SEMA3A: variants seen among roughly 807,000 people sequenced by gnomAD.
The protein encoded by SEMA3A is semaphorin-3A.
A neutral mutation model predicts 97.9 loss-of-function variants in SEMA3A; 29 were observed. The ratio of observed to expected loss-of-function variants is 0.30; its 90% CI spans 0.22 to 0.40. The LOEUF is 0.40. SEMA3A is among the 10% of genes least tolerant of loss of function. The pLI, the probability that SEMA3A is intolerant of heterozygous loss-of-function variation, is 1.00. For synonymous variants in SEMA3A, 321 were observed against 323.7 expected (o/e 0.99, Z 0.09); for missense variants, 763 against 951.3 (o/e 0.80, Z 2.60).
chr7:84,104,065 G>C (rs10488267), intron 4 of SEMA3A, among the ~76,000 whole-genome samples: 64,356 of 151,756 alleles, frequency 0.42, 14,811 homozygotes, highest in Admixed American at 0.52. Flanking sequence ...ATCCAAACTA[G>C]GTATTAGTCT....
chr7:84,258,633 T>C (rs1007421547), intron 3 of SEMA3A, among the ~76,000 whole-genome samples: 1 of 152,194 alleles, frequency 6.6e-6, no homozygotes, highest in African/African-American at 2.4e-5. Context: ...AATAATATTT[T>C]AAATGCTTCA....
intron 1 of SEMA3A, among the ~76,000 whole-genome samples, chr7:84,416,795 T>C (rs1804448176): frequency 6.6e-6 from 1 of 152,146 alleles, no homozygotes; most frequent in Non-Finnish European, 1.5e-5. Flanking sequence ...GTGTTCTCAC[T>C]TTTCTTTGAA....
chr7:84,103,148 C>A (rs1795006951), intron 4 of SEMA3A, among the ~76,000 whole-genome samples: 1 of 152,058 alleles, frequency 6.6e-6, no homozygotes, highest in Admixed American at 6.6e-5. Flanking sequence ...ACAGTCATTG[C>A]GGTGGGCAAA....
chr7:84,216,534 TA>T (rs1336389630), intron 3 of SEMA3A, among the ~76,000 whole-genome samples: 4 of 152,174 alleles, frequency 2.6e-5, no homozygotes, highest in African/African-American at 4.8e-5. Flanking sequence ...ATTTTACTGA[TA>T]TTTTTTAGAT....
intron 6 of SEMA3A, among the ~76,000 whole-genome samples, chr7:84,041,932 T>C (rs1436928580): frequency 6.6e-6 from 1 of 152,150 alleles, no homozygotes; most frequent in African/African-American, 2.4e-5. Flanking sequence ...GAAAATGCAA[T>C]TGGATACTCT....
chr7:84,118,797 T>C (rs925851282), intron 3 of SEMA3A, among the ~76,000 whole-genome samples: 2 of 152,188 alleles, frequency 1.3e-5, no homozygotes, highest in Non-Finnish European at 2.9e-5. Context: ...CTACAACAAC[T>C]TCACGCCCAC....
intron 2 of SEMA3A, among the ~76,000 whole-genome samples, chr7:84,362,888 C>T (rs1161913787): frequency 6.6e-6 from 1 of 151,936 alleles, no homozygotes; most frequent in Non-Finnish European, 1.5e-5. Flanking sequence ...ATCTAGAGCC[C>T]TGCTCTATGT....
chr7:84,000,984 T>C (rs1790420917), intron 12 of SEMA3A, among the ~76,000 whole-genome samples: 1 of 151,994 alleles, frequency 6.6e-6, no homozygotes, highest in Admixed American at 6.6e-5. Flanking sequence ...CACAGACACC[T>C]GAAGACTAAA....
chr7:84,403,206 C>A (rs373363869), intron 1 of SEMA3A, among the ~76,000 whole-genome samples: 52 of 152,266 alleles, frequency 3.4e-4, no homozygotes, highest in African/African-American at 1.2e-3. Flanking sequence ...CCTAATACTG[C>A]GCTTTTCCAA....
chr7:84,082,784 T>G (rs1794205439), intron 4 of SEMA3A, among the ~76,000 whole-genome samples: 1 of 151,896 alleles, frequency 6.6e-6, no homozygotes, highest in Non-Finnish European at 1.5e-5. Flanking sequence ...TCAAAAAAAG[T>G]AGAAAAACTA....
intron 2 of SEMA3A, among the ~76,000 whole-genome samples, chr7:84,359,147 T>G (rs983833797): frequency 2.3e-4 from 35 of 152,182 alleles, no homozygotes; most frequent in Admixed American, 3.9e-4. Flanking sequence ...TCCTGCCTGA[T>G]TGCCCTGGCC....
chr7:84,086,396 ACT>A (rs1195490539), intron 4 of SEMA3A, among the ~76,000 whole-genome samples: 1 of 145,560 alleles, frequency 6.9e-6, no homozygotes, highest in African/African-American at 2.6e-5. Flanking sequence ...TAACATATAC[ACT>A]CTTTGCTATT....
intron 5 of SEMA3A, among the ~76,000 whole-genome samples, chr7:84,049,739 G>A (rs1038688661): frequency 6.7e-6 from 1 of 150,332 alleles, no homozygotes; most frequent in Non-Finnish European, 1.5e-5. Context: ...TATACTTTAA[G>A]TTTTAGGGTA....
intron 2 of SEMA3A, among the ~76,000 whole-genome samples, chr7:84,368,764 G>T (rs1802909013): frequency 6.6e-6 from 1 of 150,724 alleles, no homozygotes; most frequent in Non-Finnish European, 1.5e-5. Context: ...TAGCAAGTGT[G>T]TATGTATACA....
At chr7:84,338,979 T>G (rs74336103) in intron 2 of SEMA3A, among the ~76,000 whole-genome samples, 2,702 of 152,274 alleles carry the variant, frequency 0.018, 80 homozygotes, top group East Asian at 0.12. Flanking sequence ...TTGAATTTGC[T>G]CTTTGTTTTT....
chr7:84,190,614 G>A (rs891189596), intron 1 of SEMA3A, among the ~76,000 whole-genome samples: 13 of 150,582 alleles, frequency 8.6e-5, no homozygotes, highest in African/African-American at 3.2e-4. Flanking sequence ...TTTAGGGTAA[G>A]ACTAGCCCTA....
intron 4 of SEMA3A, among the ~76,000 whole-genome samples, chr7:84,091,100 G>GAGAA (rs774845420): frequency 0.03 from 2,857 of 95,270 alleles, 349 homozygotes; most frequent in Middle Eastern, 0.071. Context: ...AGGAAAGAAA[G>GAGAA]AGAAAGAAAG....
intron 2 of SEMA3A, among the ~76,000 whole-genome samples, chr7:84,347,493 C>A (rs986536224): frequency 1.5e-4 from 22 of 149,666 alleles, no homozygotes; most frequent in African/African-American, 5.2e-4. Flanking sequence ...CTCATTGCAA[C>A]CTCTGCCTCC....
chr7:84,188,346 A>AT (rs1749559228), intron 1 of SEMA3A, among the ~76,000 whole-genome samples: 1 of 151,908 alleles, frequency 6.6e-6, no homozygotes, highest in Non-Finnish European at 1.5e-5. Context: ...TAGTGTGTGG[A>AT]TTGCCTATTT....
Sources: allele counts gnomAD v4.1 joint callset (sites outside exome capture counted in the v4.1 genomes callset), GRCh38; gene constraint gnomAD v4.1.1; transcripts MANE v1.5; gene names NCBI Gene and HGNC (gene_info 2026-07-23, HGNC 2026-07-21).